The following STIM1 variants were observed in gnomAD, a reference collection of about 807,000 sequenced individuals.
The protein encoded by STIM1 is stromal interaction molecule 1.
Under a neutral mutation model 74.7 loss-of-function variants are expected in STIM1, and 25 were observed. The ratio of observed to expected loss-of-function variants is 0.33; its 90% CI spans 0.24 to 0.47. STIM1 has a LOEUF of 0.47. Ranked by LOEUF, STIM1 falls within the 20% of genes least tolerant of loss-of-function variation. The probability of loss-of-function intolerance (pLI) is 1.00; values close to 1 mark genes in which losing one functional copy is unlikely to be tolerated. For missense variants in STIM1, 728 were observed against 920.8 expected, an observed-to-expected ratio of 0.79 and a Z score of 2.71; for synonymous variants, 328 against 348.8, an observed-to-expected ratio of 0.94 and a Z score of 0.66.
intron 5 of STIM1, among the ~76,000 whole-genome samples, chr11:4,061,420 C>A (rs2094329801): frequency 3.3e-5 from 5 of 152,158 alleles, no homozygotes; most frequent in Admixed American, 3.3e-4. Context: ...AGGCAGAACA[C>A]AGGTACTGAA....
intron 1 of STIM1, among the ~76,000 whole-genome samples, chr11:3,919,035 T>A (rs2092685719): frequency 6.6e-6 from 1 of 152,186 alleles, no homozygotes; most frequent in Admixed American, 6.5e-5. Context: ...AGACAGTTTA[T>A]CCATTAAATA....
chr11:3,937,290 C>CAAT (rs5789317), intron 1 of STIM1, among the ~76,000 whole-genome samples: 81,431 of 132,898 alleles, frequency 0.61, 23,316 homozygotes, highest in Non-Finnish European at 0.66. Flanking sequence ...GACTTCATCT[C>CAAT]AATAATAATA....
chr11:3,965,889 C>G (rs543917509), intron 1 of STIM1, among the ~76,000 whole-genome samples: 8 of 152,274 alleles, frequency 5.3e-5, no homozygotes, highest in Admixed American at 3.3e-4. Flanking sequence ...TGCCTGTAAT[C>G]CCAGCTACTC....
intron 1 of STIM1, among the ~76,000 whole-genome samples, chr11:3,906,989 C>T (rs896976908): frequency 2.0e-5 from 3 of 152,162 alleles, no homozygotes; most frequent in East Asian, 1.9e-4. Context: ...TTAACACCAG[C>T]GTGCCTTCAC....
At chr11:4,088,654 T>C (rs1415329997) in intron 12 of STIM1, 1 of 1,524,370 alleles carries the variant, frequency 6.6e-7, no homozygotes, top group Non-Finnish European at 8.8e-7. Flanking sequence ...GGTACCTGTA[T>C]CCACCTGGCC....
chr11:3,863,182 C>G (rs1481262258), intron 1 of STIM1, among the ~76,000 whole-genome samples: 1 of 151,696 alleles, frequency 6.6e-6, no homozygotes, highest in East Asian at 1.9e-4. Flanking sequence ...GCGTGAGCCA[C>G]CACGCCTGGC....
chr11:3,867,842 T>TGGCAGGCAGGCAGGCA (rs989812350), intron 1 of STIM1, among the ~76,000 whole-genome samples: 6 of 130,758 alleles, frequency 4.6e-5, no homozygotes, highest in African/African-American at 1.7e-4. Context: ...GAAATCTCAC[T>TGGCAGGCAGGCAGGCA]GGCAGGCAGG....
At position 3,895,671 on chromosome 11, in the gene STIM1, T is replaced by TTTCC. The variant is rs761059057; in HGVS notation, c.139+39274_139+39277dup. 2.6e-3 allele frequency among the ~76,000 whole-genome samples: 114 copies of TTTCC among 43,366 alleles called. 1 individual carries two copies. The highest frequency in any genetic ancestry group is 3.6e-3 in the Non-Finnish European group (86 of 24,016). 28.4% of individuals were successfully genotyped at this position (43,366 alleles called of 152,430 possible). A position where few individuals can be genotyped will look rare whatever the true frequency, so the allele number is the denominator to read the frequency against. On this transcript the variant is annotated intron_variant, in intron 1 of 12. Coordinates refer to ENST00000526596, the MANE Select transcript of STIM1 (RefSeq NM_001382567.1). ...CTTTCTTTCTTTCTTTCTTTCTTTC[T>TTTCC]TTCCTTCCTTCCTTCTTTCTTTCTT...
rs200345567 is a variant in STIM1 at position 3,967,604 on chromosome 11, C to T, written c.192C>T (p.Ser64=). 6 of 1,614,214 alleles carry T rather than the reference C, an allele frequency of 3.7e-6. No homozygotes were observed. The highest frequency in any genetic ancestry group is 5.1e-6 in the Non-Finnish European group (6 of 1,180,038). The change falls in exon 2 of 13, where the codon AGC becomes AGT. Residue 64 remains serine (S), a synonymous_variant. Coordinates refer to ENST00000526596, the MANE Select transcript of STIM1 (RefSeq NM_001382567.1). ...GTCACAGTGAGGATGAGAAACTCAG[C>T]TTCGAGGCAGTCCGTAACATCCACA... is the stretch of plus-strand genomic sequence containing the variant. ...PLCHSEDEKL[S]FEAVRNIHKL...
intron 1 of STIM1, chr11:3,922,010 C>G (rs1400302210): frequency 6.6e-6 from 1 of 152,170 alleles, no homozygotes; most frequent in African/African-American, 2.4e-5. Context: ...CATAGCCACT[C>G]AGTTAAGCCA....
At chr11:4,027,314 C>T (rs2094005665) in intron 3 of STIM1, among the ~76,000 whole-genome samples, 1 of 151,748 alleles carries the variant, frequency 6.6e-6, no homozygotes, top group Non-Finnish European at 1.5e-5. Context: ...TCTTTTTTTT[C>T]TTTTTTCTTT....
intron 2 of STIM1, among the ~76,000 whole-genome samples, chr11:3,982,939 T>G (rs2135807633): frequency 6.6e-6 from 1 of 152,290 alleles, no homozygotes. Context: ...TTTTTAATTT[T>G]TATTTTTTTT....
intron 7 of STIM1, among the ~76,000 whole-genome samples, chr11:4,075,608 T>G (rs948108307): frequency 4.6e-5 from 7 of 152,252 alleles, no homozygotes; most frequent in African/African-American, 1.7e-4. Context: ...TGAGTATACT[T>G]TAATTTATCC....
intron 1 of STIM1, among the ~76,000 whole-genome samples, chr11:3,952,725 T>A (rs1370426497): frequency 2.0e-5 from 3 of 152,238 alleles, no homozygotes; most frequent in Non-Finnish European, 4.4e-5. Flanking sequence ...CAGCAAAAGC[T>A]GCTTGAAAGT....
chr11:4,048,146 A>G lies in STIM1; in HGVS notation c.386-7380A>G, dbSNP rs1396548586. ...AGACCTGTGTCTTCAAAGAAAAAAG[A>G]TATGGATCTTATGAGAGGACAGTGA... On this transcript the variant is annotated intron_variant, in intron 3 of 12. Transcript: ENST00000526596. Among the ~76,000 whole-genome samples the G allele has an allele frequency of 4.6e-5, 7 of 152,134 alleles. No homozygotes were observed. The East Asian group carries it at 1.2e-3, about 25-fold the overall frequency.
chr11:3,897,278 T>A (rs907219045), intron 1 of STIM1, among the ~76,000 whole-genome samples: 1 of 152,192 alleles, frequency 6.6e-6, no homozygotes, highest in Non-Finnish European at 1.5e-5. Context: ...TGATAAAGGC[T>A]CTTCTTTCCT....
intron 1 of STIM1, among the ~76,000 whole-genome samples, chr11:3,932,190 A>C (rs2092872175): frequency 6.6e-6 from 1 of 152,164 alleles, no homozygotes; most frequent in Non-Finnish European, 1.5e-5. Context: ...CGTGTATGTA[A>C]GCCCCTAATA....
intron 12 of STIM1, 98 bp from the exon 13 acceptor site, chr11:4,091,184 C>G (rs2094522329): frequency 1.3e-6 from 2 of 1,558,132 alleles, no homozygotes; most frequent in Admixed American, 3.3e-5. Context: ...CCTACCCTGT[C>G]CTTGTCTTCT....
At chr11:4,043,477 A>G in intron 3 of STIM1, among the ~76,000 whole-genome samples, 1 of 152,210 alleles carries the variant, frequency 6.6e-6, no homozygotes, top group East Asian at 1.9e-4. Context: ...GAGAAAACAT[A>G]ATATAAATAC....
Sources: gnomAD v4.1 joint callset for allele counts (sites outside exome capture counted in the v4.1 genomes callset) on GRCh38, gnomAD v4.1.1 for gene constraint, MANE v1.5 for transcripts, NCBI Gene and HGNC (gene_info 2026-07-23, HGNC 2026-07-21) for gene names.